TNRC6B: variants seen among roughly 807,000 people sequenced by gnomAD.
TNRC6B encodes the protein trinucleotide repeat-containing gene 6B protein.
TNRC6B carries 52 observed loss-of-function variants against 203.6 expected under a neutral mutation model. The ratio of observed to expected loss-of-function variants is 0.26; its 90% CI spans 0.20 to 0.32. The LOEUF (loss-of-function observed/expected upper bound fraction) is 0.32, where lower values mean the gene tolerates loss of function less well. Among genes scored for constraint, TNRC6B ranks in the 10% least tolerant of loss-of-function variants. TNRC6B has a pLI of 1.00. For synonymous variants in TNRC6B, 838 were observed against 845.7 expected (o/e 0.99, Z 0.16); for missense variants, 1,923 against 2,286.2 (o/e 0.84, Z 3.24).
rs1254709508 is a variant in TNRC6B, at chr22:40,328,793, G to GA, written c.*5556dup. 2.0e-5 allele frequency: 3 copies of GA among 152,066 alleles called. No individual in the cohort carries two copies. 9.4% of individuals were successfully genotyped at this position (152,066 alleles called of 1,614,324 possible). A position where few individuals can be genotyped will look rare whatever the true frequency, so the allele number is the denominator to read the frequency against. Reference sequence around the variant, plus strand: ...TAGGGAACAATTGAGTCTTTATGTAGAAAAGATCCATTTTTTCCCCATCCT... The same window carrying GA: ...TAGGGAACAATTGAGTCTTTATGTAGAAAAAGATCCATTTTTTCCCCATCCT... On this transcript the variant is annotated 3_prime_UTR_variant, in exon 23 of 23. Transcript: ENST00000454349.
intron 1 of TNRC6B, chr22:40,106,360 T>A: frequency 8.3e-7 from 1 of 1,211,826 alleles, no homozygotes; most frequent in Non-Finnish European, 1.2e-6. Context: ...TGGTCCTTCT[T>A]GTTGCCAGCA....
intron 3 of TNRC6B, among the ~76,000 whole-genome samples, chr22:40,258,779 T>C (rs1275885833): frequency 6.6e-6 from 1 of 152,190 alleles, no homozygotes; most frequent in Non-Finnish European, 1.5e-5. Flanking sequence ...TGAGGAACTT[T>C]TGCAAGGAAT....
At chr22:40,235,496 A>G (rs776546027) in intron 1 of TNRC6B, among the ~76,000 whole-genome samples, 1 of 152,200 alleles carries the variant, frequency 6.6e-6, no homozygotes, top group South Asian at 2.1e-4. Flanking sequence ...AAAGTCACAC[A>G]TGCACCTTAT....
chr22:40,211,374 C>T lies in TNRC6B; in HGVS notation c.5+33234C>T, dbSNP rs996502993. On this transcript the variant is annotated intron_variant, in intron 1 of 22. Coordinates refer to ENST00000454349, the MANE Select transcript of TNRC6B (RefSeq NM_001162501.2). ...GATTACAGGCATGAGCCACCATGCC[C>T]GGCCTGTTCTTTTTTTTCTTTTATT... is the stretch of plus-strand genomic sequence containing the variant. Among the ~76,000 whole-genome samples the T allele has an allele frequency of 7.1e-5, 8 of 111,960 alleles. No homozygotes were observed. In the South Asian group the frequency reaches 1.0e-3, roughly 14 times the overall value. 73.5% of individuals were successfully genotyped at this position (111,960 alleles called of 152,430 possible).
chr22:40,109,499 A>T (rs1332916167), intron 1 of TNRC6B, among the ~76,000 whole-genome samples: 4 of 152,178 alleles, frequency 2.6e-5, no homozygotes, highest in Admixed American at 2.6e-4. Context: ...ATGAGATGGC[A>T]TCTCATTGTG....
In TNRC6B at chr22:40,163,480, A is replaced by AC. The variant is rs568063097; in HGVS notation, c.113+7298_113+7299insC. Among the ~76,000 whole-genome samples, 11 of 66,224 alleles carry AC rather than the reference A, an allele frequency of 1.7e-4. 3 individuals are homozygous for AC. The highest frequency in any genetic ancestry group is 4.0e-4 in the African/African-American group (6 of 14,932). The allele number at this position is 66,224 out of a possible 152,430, so 43.4% of individuals were successfully genotyped here. A position where few individuals can be genotyped will look rare whatever the true frequency, so the allele number is the denominator to read the frequency against. On this transcript the variant is annotated intron_variant, in intron 4 of 23. Transcript: ENST00000301923. ...TCAAAAAAAAAAAAAAAAAAAAAAA[A>AC]GGCCAGGCACGGTGGCTCACGCCTG...
At chr22:40,164,784 T>G (rs927605546) in intron 4 of TNRC6B, among the ~76,000 whole-genome samples, 47 of 146,006 alleles carry the variant, frequency 3.2e-4, no homozygotes, top group Non-Finnish European at 4.9e-4. Flanking sequence ...AAAAAGTTTT[T>G]TTTTTTTTTT....
Position 40,280,825 on chromosome 22 carries a change from A to C in TNRC6B, c.3412-294A>C, listed in dbSNP as rs919334316. On this transcript the variant is annotated intron_variant, in intron 10 of 22. Coordinates refer to ENST00000454349, the MANE Select transcript of TNRC6B (RefSeq NM_001162501.2). ...TCTGTTTCAGCAGCCACATTGCTAG[A>C]GTAATCAATATTAGATGCGTAAAAA... Among the ~76,000 whole-genome samples the C allele has an allele frequency of 3.9e-5, 6 of 152,378 alleles. No homozygotes were observed. In the East Asian group the frequency reaches 9.6e-4, roughly 24 times the overall value.
At chr22:40,238,888 A>C (rs2069986573) in intron 1 of TNRC6B, among the ~76,000 whole-genome samples, 2 of 152,230 alleles carry the variant, frequency 1.3e-5, no homozygotes, top group Non-Finnish European at 2.9e-5. Flanking sequence ...TGTTTCTGCC[A>C]GATCTCCAGT....
At chr22:40,277,864 C>T (rs771640263) in intron 8 of TNRC6B, 135 bp from the exon 9 acceptor site, 18 of 680,168 alleles carry the variant, frequency 2.6e-5, no homozygotes, top group Non-Finnish European at 3.4e-5. Flanking sequence ...TTAATGTCTT[C>T]AGTACCATCA....
At chr22:40,274,422 C>CT (rs374621260) in intron 7 of TNRC6B, among the ~76,000 whole-genome samples, 14,312 of 140,656 alleles carry the variant, frequency 0.1, 925 homozygotes, top group South Asian at 0.16. Context: ...AATGATATCT[C>CT]TTTTTTTTTT....
rs1472427019 is a variant in TNRC6B, at chr22:40,315,891, T to C, written c.4904-51T>C. 2 of 1,423,304 alleles carry C rather than the reference T, an allele frequency of 1.4e-6. 1 individual carries two copies. The highest frequency in any genetic ancestry group is 4.6e-5 in the East Asian group (2 of 43,864). 88.2% of individuals were successfully genotyped at this position (1,423,304 alleles called of 1,614,324 possible). On this transcript the variant is annotated intron_variant, in intron 20 of 22. Transcript: ENST00000454349. ...GAAAATCTTTCTCCCTCATGGCTTTTCTTGTTTTTGTTTTATTTCTCTTCC... is the reference window on the plus strand; with the variant it reads ...GAAAATCTTTCTCCCTCATGGCTTTCCTTGTTTTTGTTTTATTTCTCTTCC...
intron 1 of TNRC6B, among the ~76,000 whole-genome samples, chr22:40,240,221 C>T (rs1000193085): frequency 6.6e-6 from 1 of 152,144 alleles, no homozygotes; most frequent in Admixed American, 6.5e-5. Context: ...CTGTTGTATT[C>T]GCTCTTCACC....
rs186445605 is a variant in TNRC6B, at chr22:40,262,537, G to A, written c.457+364G>A. Among the ~76,000 whole-genome samples the A allele has an allele frequency of 1.5e-3, 233 of 152,284 alleles. 1 individual carries two copies. Among genetic ancestry groups the A allele is most frequent in the Non-Finnish European group, 6.0e-4 (41 of 68,016 alleles). On this transcript the variant is annotated intron_variant, in intron 4 of 22. Coordinates refer to ENST00000454349, the MANE Select transcript of TNRC6B (RefSeq NM_001162501.2). ...TGCGAAGGCGAATCTTTAGATGCCT[G>A]TGTTATGTTTCCAGAATGCTAGGAG...
chr22:40,153,938 TATTA>T (rs1016347680), intron 3 of TNRC6B, among the ~76,000 whole-genome samples: 134 of 151,404 alleles, frequency 8.9e-4, no homozygotes, highest in African/African-American at 2.4e-3. Flanking sequence ...TATGAAATTA[TATTA>T]ATTAATATTA....
intron 1 of TNRC6B, among the ~76,000 whole-genome samples, chr22:40,049,965 TA>T (rs1395243118): frequency 6.6e-6 from 1 of 152,196 alleles, no homozygotes; most frequent in African/African-American, 2.4e-5. Context: ...CTCCCATTAG[TA>T]TTAGTTTCTA....
intron 7 of TNRC6B, among the ~76,000 whole-genome samples, chr22:40,275,550 C>T (rs1327560520): frequency 1.3e-5 from 2 of 152,068 alleles, no homozygotes; most frequent in South Asian, 4.1e-4. Flanking sequence ...ACTTATGTTG[C>T]CATTTACCAC....
intron 1 of TNRC6B, among the ~76,000 whole-genome samples, chr22:40,098,552 A>C (rs940942311): frequency 1.3e-5 from 2 of 152,146 alleles, no homozygotes; most frequent in Non-Finnish European, 2.9e-5. Context: ...CTTTTTAATC[A>C]AAATTGTTCT....
intron 2 of TNRC6B, among the ~76,000 whole-genome samples, chr22:40,121,473 T>G (rs1245775568): frequency 2.0e-5 from 3 of 152,236 alleles, no homozygotes; most frequent in Non-Finnish European, 2.9e-5. Flanking sequence ...CCCTGAAGTC[T>G]AATCTTTCCT....
Sources: gnomAD v4.1 joint callset for allele counts (sites outside exome capture counted in the v4.1 genomes callset) on GRCh38, gnomAD v4.1.1 for gene constraint, MANE v1.5 for transcripts, NCBI Gene and HGNC (gene_info 2026-07-23, HGNC 2026-07-21) for gene names.